The following SLCO1A2 variants were observed in gnomAD, a reference collection of about 807,000 sequenced individuals.
SLCO1A2 encodes OATP-1.
In SLCO1A2, 67 loss-of-function variants were observed where a neutral mutation model predicts 69.0. That is an observed-to-expected ratio of 0.97 (90% CI 0.80 to 1.19). SLCO1A2 has a LOEUF of 1.19. Among genes scored for constraint, SLCO1A2 ranks in the 50% most tolerant of loss-of-function variants. SLCO1A2 has a pLI of 0.00. For synonymous variants in SLCO1A2, 260 were observed against 265.9 expected, an observed-to-expected ratio of 0.98 and a Z score of 0.22; for missense variants, 787 against 793.7, an observed-to-expected ratio of 0.99 and a Z score of 0.10.
At chr12:21,376,953 G>A (rs1218726877) in intron 1 of SLCO1A2, among the ~76,000 whole-genome samples, 2 of 152,076 alleles carry the variant, frequency 1.3e-5, no homozygotes, top group Non-Finnish European at 2.9e-5. Context: ...AGGAAGCAAT[G>A]TTATTATTCT....
intron 1 of SLCO1A2, among the ~76,000 whole-genome samples, chr12:21,385,350 C>T (rs540505318): frequency 2.6e-4 from 39 of 152,306 alleles, no homozygotes; most frequent in African/African-American, 9.4e-4. Context: ...GAATTTACTC[C>T]ATAACCTTCT....
At chr12:21,375,624 T>TAGATGCCA in intron 1 of SLCO1A2, among the ~76,000 whole-genome samples, 1 of 152,310 alleles carries the variant, frequency 6.6e-6, no homozygotes. Flanking sequence ...TATAATTACA[T>TAGATGCCA]AGATGCCAAG....
intron 2 of SLCO1A2, among the ~76,000 whole-genome samples, chr12:21,348,179 A>G (rs904159940): frequency 2.6e-5 from 4 of 152,200 alleles, no homozygotes; most frequent in Admixed American, 2.6e-4. Flanking sequence ...CATGTAACCT[A>G]AAATAAGCAC....
chr12:21,405,222 T>C lies in SLCO1A2; in HGVS notation c.-312+12660A>G, dbSNP rs551949006. ...TTTCTTTTGCTGTGCAGAAGCTCTT[T>C]AGTTTAATTAGATCTCATTTGTCAA... is the stretch of plus-strand genomic sequence containing the variant. On this transcript the variant is annotated intron_variant, in intron 1 of 4. Coordinates refer to the SLCO1A2 transcript ENST00000413682. Among the ~76,000 whole-genome samples, 11 of 152,264 alleles carry C rather than the reference T, an allele frequency of 7.2e-5. No homozygotes were observed. In the South Asian group the frequency reaches 1.9e-3, roughly 26 times the overall value.
chr12:21,384,628 A>G (rs12317073), intron 1 of SLCO1A2, among the ~76,000 whole-genome samples: 38,462 of 152,114 alleles, frequency 0.25, 5,808 homozygotes, highest in African/African-American at 0.44. Context: ...TACTAAAAAG[A>G]TATAATTTAA....
upstream of SLCO1A2, among the ~76,000 whole-genome samples, chr12:21,395,840 C>T (rs1941431228): frequency 1.3e-5 from 2 of 152,074 alleles, no homozygotes; most frequent in African/African-American, 2.4e-5. Context: ...AACTAACAAA[C>T]AGAAAGGACA....
chr12:21,343,703 G>C (rs1953152366), intron 2 of SLCO1A2, among the ~76,000 whole-genome samples: 1 of 151,878 alleles, frequency 6.6e-6, no homozygotes, highest in Non-Finnish European at 1.5e-5. Context: ...TCTGATTAAG[G>C]GATAACTAAT....
chr12:21,343,449 G>A (rs1336441352), intron 2 of SLCO1A2, among the ~76,000 whole-genome samples: 2 of 151,816 alleles, frequency 1.3e-5, no homozygotes, highest in East Asian at 3.9e-4. Flanking sequence ...CTTTTTTCTT[G>A]CAGGACCTTC....
chr12:21,376,298 AT>A, intron 1 of SLCO1A2: 1 of 336,714 alleles, frequency 3.0e-6, no homozygotes, highest in Non-Finnish European at 6.1e-6. Flanking sequence ...TTGACCCATA[AT>A]TTTCCTTTAT....
intron 4 of SLCO1A2, among the ~76,000 whole-genome samples, chr12:21,309,682 G>C (rs1949864805): frequency 6.6e-6 from 1 of 152,110 alleles, no homozygotes. Flanking sequence ...AAAGCTACTA[G>C]ATTATTTCCT....
chr12:21,387,524 C>T (rs1940940294), intron 1 of SLCO1A2, among the ~76,000 whole-genome samples: 1 of 152,174 alleles, frequency 6.6e-6, no homozygotes, highest in Admixed American at 6.5e-5. Flanking sequence ...AAACTCCAAG[C>T]CTTGGCAGCT....
intron 2 of SLCO1A2, among the ~76,000 whole-genome samples, chr12:21,367,967 CAAAT>C (rs1939513926): frequency 1.3e-5 from 2 of 152,090 alleles, no homozygotes; most frequent in African/African-American, 4.8e-5. Flanking sequence ...TAATAAATGA[CAAAT>C]GAATGACAGA....
chr12:21,404,057 A>C (rs1277248542), intron 1 of SLCO1A2, among the ~76,000 whole-genome samples: 1 of 152,094 alleles, frequency 6.6e-6, no homozygotes, highest in Non-Finnish European at 1.5e-5. Flanking sequence ...ATGGGATGCC[A>C]CTGACATTTT....
intron 1 of SLCO1A2, among the ~76,000 whole-genome samples, chr12:21,381,768 C>T (rs985318679): frequency 1.3e-5 from 2 of 152,116 alleles, no homozygotes; most frequent in Non-Finnish European, 2.9e-5. Context: ...TGCACTCCAG[C>T]CTGGCTACAG....
intron 1 of SLCO1A2, among the ~76,000 whole-genome samples, chr12:21,413,399 G>T (rs1941943508): frequency 6.6e-6 from 1 of 151,544 alleles, no homozygotes; most frequent in Non-Finnish European, 1.5e-5. Flanking sequence ...GCGCCACCAT[G>T]CCTGGCTAAT....
chr12:21,363,671 G>C (rs1939126420), intron 2 of SLCO1A2, among the ~76,000 whole-genome samples: 1 of 152,240 alleles, frequency 6.6e-6, no homozygotes, highest in South Asian at 2.1e-4. Context: ...AAGAAGAAAA[G>C]AGAGAAGTGT....
intron 6 of SLCO1A2, among the ~76,000 whole-genome samples, chr12:21,303,235 G>A (rs1172796385): frequency 6.6e-6 from 1 of 152,034 alleles, no homozygotes; most frequent in Non-Finnish European, 1.5e-5. Context: ...TATGTATAGA[G>A]ATTATCACAG....
chr12:21,349,660 T>C (rs1937773602), intron 2 of SLCO1A2, among the ~76,000 whole-genome samples: 1 of 152,174 alleles, frequency 6.6e-6, no homozygotes, highest in Non-Finnish European at 1.5e-5. Flanking sequence ...CCTCTCAAAC[T>C]TCATTTTGAA....
At chr12:21,311,374 G>A (rs1171164551) in intron 4 of SLCO1A2, among the ~76,000 whole-genome samples, 1 of 151,842 alleles carries the variant, frequency 6.6e-6, no homozygotes, top group Non-Finnish European at 1.5e-5. Context: ...GAATTCTTTC[G>A]AGAAGGTTTT....
Sources: allele counts gnomAD v4.1 joint callset (sites outside exome capture counted in the v4.1 genomes callset), GRCh38; gene constraint gnomAD v4.1.1; transcripts MANE v1.5; gene names NCBI Gene and HGNC (gene_info 2026-07-23, HGNC 2026-07-21).